TMEM132C: variants seen among roughly 807,000 people sequenced by gnomAD.
The protein encoded by TMEM132C is protein phosphatase 1, regulatory subunit 152.
In TMEM132C, 29 loss-of-function variants were observed where a neutral mutation model predicts 61.4. That is an observed-to-expected ratio of 0.47 (90% CI 0.35 to 0.64). The LOEUF (loss-of-function observed/expected upper bound fraction) is 0.64. Ranked by LOEUF, TMEM132C falls within the 30% of genes least tolerant of loss-of-function variation. The pLI, the probability that TMEM132C is intolerant of heterozygous loss-of-function variation, is 0.00. For synonymous variants in TMEM132C, 656 were observed against 633.1 expected (o/e 1.04, Z -0.54); for missense variants, 1,408 against 1,476.9 (o/e 0.95, Z 0.76).
intron 1 of TMEM132C, among the ~76,000 whole-genome samples, chr12:128,273,533 T>A (rs1038345352): frequency 6.6e-6 from 1 of 152,146 alleles, no homozygotes; most frequent in Non-Finnish European, 1.5e-5. Flanking sequence ...AGACCACTTA[T>A]ATTTAATGTA....
At chr12:128,517,008 C>T (rs560200732) in intron 2 of TMEM132C, among the ~76,000 whole-genome samples, 1 of 150,322 alleles carries the variant, frequency 6.7e-6, no homozygotes, top group South Asian at 2.1e-4. Flanking sequence ...GATCACTTGA[C>T]GTCAGGAATT....
At chr12:128,676,410 T>A (rs557514329) in intron 5 of TMEM132C, among the ~76,000 whole-genome samples, 45 of 152,160 alleles carry the variant, frequency 3.0e-4, no homozygotes, top group Admixed American at 7.2e-4. Context: ...TTAATCACCC[T>A]GAAATACTTT....
intron 3 of TMEM132C, among the ~76,000 whole-genome samples, chr12:128,584,411 T>C (rs1875462898): frequency 6.6e-6 from 1 of 152,200 alleles, no homozygotes; most frequent in African/African-American, 2.4e-5. Context: ...TCTTGAACCA[T>C]AGCACTTTGC....
At chr12:128,655,688 C>T (rs868307992) in intron 4 of TMEM132C, among the ~76,000 whole-genome samples, 6 of 152,246 alleles carry the variant, frequency 3.9e-5, no homozygotes, top group African/African-American at 1.2e-4. Flanking sequence ...CAGGGGCACC[C>T]ACCACCAGCA....
chr12:128,296,718 T>A (rs1367795815), intron 1 of TMEM132C, among the ~76,000 whole-genome samples: 1 of 152,164 alleles, frequency 6.6e-6, no homozygotes, highest in African/African-American at 2.4e-5. Context: ...ACTGTGAGTG[T>A]CATGAGGAAG....
chr12:128,355,026 A>G (rs1311105750), intron 1 of TMEM132C, among the ~76,000 whole-genome samples: 1 of 152,214 alleles, frequency 6.6e-6, no homozygotes, highest in African/African-American at 2.4e-5. Flanking sequence ...TGGGGAAACC[A>G]TCCCGGTTTG....
chr12:128,404,297 G>C (rs914785392), intron 1 of TMEM132C, among the ~76,000 whole-genome samples: 1 of 152,276 alleles, frequency 6.6e-6, no homozygotes, highest in African/African-American at 2.4e-5. Context: ...GGCATCCACT[G>C]CCTACCCCAT....
intron 3 of TMEM132C, among the ~76,000 whole-genome samples, chr12:128,614,096 C>G (rs562192159): frequency 2.0e-5 from 3 of 152,180 alleles, no homozygotes; most frequent in Non-Finnish European, 4.4e-5. Flanking sequence ...ACCCTGGCCC[C>G]CCTACAAACT....
Position 128,548,294 on chromosome 12 carries a change from ATAT to A in TMEM132C, c.1121+4192_1121+4194del, listed in dbSNP as rs554120252. 3.2e-3 allele frequency among the ~76,000 whole-genome samples: 482 copies of A among 152,304 alleles called. 3 individuals carry two copies. Among genetic ancestry groups the A allele is most frequent in the African/African-American group, 0.011 (462 of 41,554 alleles). On this transcript the variant is annotated intron_variant, in intron 3 of 8. Transcript: ENST00000435159. Reference sequence around the variant, plus strand: ...CTGCTCTCTTCCAATTCTTTAACTCATATGAACTGGTCGTCCCTGAATTGAACT... The same window carrying A: ...CTGCTCTCTTCCAATTCTTTAACTCAGAACTGGTCGTCCCTGAATTGAACT...
chr12:128,413,086 C>T (rs1469109223), intron 1 of TMEM132C, among the ~76,000 whole-genome samples: 1 of 151,940 alleles, frequency 6.6e-6, no homozygotes, highest in East Asian at 1.9e-4. Flanking sequence ...ATCATGAGGT[C>T]AGGAGATCTA....
At chr12:128,386,096 G>A (rs1342886393) in intron 1 of TMEM132C, among the ~76,000 whole-genome samples, 5 of 152,170 alleles carry the variant, frequency 3.3e-5, no homozygotes, top group African/African-American at 1.2e-4. Flanking sequence ...ATGAGGCTGT[G>A]TGTTATTCGG....
intron 1 of TMEM132C, among the ~76,000 whole-genome samples, chr12:128,403,273 A>G (rs1289772011): frequency 2.0e-5 from 3 of 152,214 alleles, no homozygotes; most frequent in African/African-American, 7.2e-5. Context: ...AGTAAGCTGC[A>G]GTGACTTGGA....
chr12:128,396,712 G>A (rs1273962656), intron 1 of TMEM132C, among the ~76,000 whole-genome samples: 7 of 152,136 alleles, frequency 4.6e-5, no homozygotes, highest in Non-Finnish European at 1.5e-5. Context: ...CTATAGATGG[G>A]AACAGAGGCA....
intron 2 of TMEM132C, among the ~76,000 whole-genome samples, chr12:128,426,195 C>T (rs1157519621): frequency 6.6e-6 from 1 of 152,242 alleles, no homozygotes; most frequent in African/African-American, 2.4e-5. Flanking sequence ...CTAGACCGCA[C>T]TCTTAAATCC....
intron 3 of TMEM132C, among the ~76,000 whole-genome samples, chr12:128,593,811 T>TCC (rs1875847826): frequency 6.6e-6 from 1 of 152,160 alleles, no homozygotes; most frequent in African/African-American, 2.4e-5. Flanking sequence ...GCAGACTCTT[T>TCC]CCCTCTCCTG....
intron 2 of TMEM132C, among the ~76,000 whole-genome samples, chr12:128,465,074 T>C (rs73440665): frequency 0.21 from 31,603 of 152,088 alleles, 3,781 homozygotes; most frequent in African/African-American, 0.32. Context: ...GACGTCCTCC[T>C]ATGCTTGTTG....
intron 4 of TMEM132C, among the ~76,000 whole-genome samples, chr12:128,654,964 C>T (rs1208608959): frequency 6.6e-6 from 1 of 152,198 alleles, no homozygotes. Flanking sequence ...TGCCCTGCCA[C>T]CTCGGGGTCT....
chr12:128,411,031 A>G (rs144280154), intron 1 of TMEM132C, among the ~76,000 whole-genome samples: 3 of 152,320 alleles, frequency 2.0e-5, no homozygotes, highest in South Asian at 2.1e-4. Flanking sequence ...TCATGATTAG[A>G]TGCAAATTAT....
chr12:128,681,676 CAG>C (rs3044808), intron 5 of TMEM132C, among the ~76,000 whole-genome samples: 75,145 of 141,432 alleles, frequency 0.53, 19,557 homozygotes, highest in Admixed American at 0.56. Context: ...TTTTTTGAGA[CAG>C]AGTCTCACCC....
Sources: gnomAD v4.1 joint callset for allele counts (sites outside exome capture counted in the v4.1 genomes callset) on GRCh38, gnomAD v4.1.1 for gene constraint, MANE v1.5 for transcripts, NCBI Gene and HGNC (gene_info 2026-07-23, HGNC 2026-07-21) for gene names.